Variants in LRP1 observed in about 807,000 individuals in gnomAD.
The protein encoded by LRP1 is prolow-density lipoprotein receptor-related protein 1.
In LRP1, 51 loss-of-function variants were observed where a neutral mutation model predicts 541.5. The observed-to-expected ratio is 0.09, with a 90% CI of 0.08 to 0.12. LRP1 has a LOEUF of 0.12. Among genes scored for constraint, LRP1 ranks in the 10% least tolerant of loss-of-function variants. The probability of loss-of-function intolerance (pLI) is 1.00; values close to 1 mark genes in which losing one functional copy is unlikely to be tolerated. For missense variants in LRP1, 3,878 were observed against 6,376.2 expected (o/e 0.61, Z 13.34); for synonymous variants, 2,219 against 2,470.8 (o/e 0.90, Z 3.02).
chr12:57,182,591 C>T (rs975251680), intron 34 of LRP1, among the ~76,000 whole-genome samples: 5 of 150,226 alleles, frequency 3.3e-5, no homozygotes, highest in Non-Finnish European at 5.9e-5. Flanking sequence ...CTAAAGAGGG[C>T]GGATTACCTT....
In LRP1 at chr12:57,180,146, G is replaced by A. The variant is rs770264676; in HGVS notation, c.5236+5G>A. 4.3e-6 allele frequency: 7 copies of A among 1,612,980 alleles called. No individual in the cohort carries two copies. The highest frequency in any genetic ancestry group is 2.2e-5 in the East Asian group (1 of 44,890). On this transcript the variant is annotated splice_donor_5th_base_variant and intron_variant, in intron 31 of 88. Transcript: ENST00000243077. ...GTGGCCAGAAGGGCCCCGTGGGTAC[G>A]AGCTTCCCTGCCCACCCCCACAGCC...
Position 57,196,710 on chromosome 12 carries a change from G to T in LRP1, c.8893-272G>T, listed in dbSNP as rs997576790. Among the ~76,000 whole-genome samples the T allele has an allele frequency of 2.0e-5, 3 of 152,262 alleles. No homozygotes were observed. In the East Asian group the frequency reaches 5.8e-4, roughly 29 times the overall value. On this transcript the variant is annotated intron_variant, in intron 55 of 88. Coordinates refer to ENST00000243077, the MANE Select transcript of LRP1 (RefSeq NM_002332.3). Reference sequence around the variant, plus strand: ...GAGCAGGGAAGTGAGGGGACCAGCAGAAGAGCCTGAGAAGGAGCAGCTGCT... The same window carrying T: ...GAGCAGGGAAGTGAGGGGACCAGCATAAGAGCCTGAGAAGGAGCAGCTGCT...
Position 57,154,435 on chromosome 12 carries a change from G to A in LRP1, c.1005-44G>A, listed in dbSNP as rs368354490. 1.2e-6 allele frequency: 2 copies of A among 1,606,830 alleles called. No individual in the cohort carries two copies. Among genetic ancestry groups the A allele is most frequent in the African/African-American group, 1.3e-5 (1 of 74,892 alleles). ...AGGCTGAGGCTACAGTGGTAAGGAG[G>A]GTGCCCAATGTCCAGACCCCATTTA... On this transcript the variant is annotated intron_variant, in intron 7 of 88. Coordinates refer to ENST00000243077, the MANE Select transcript of LRP1 (RefSeq NM_002332.3). This position sits in a 1 kb window ranked among gnomAD's most constrained non-coding sequence, Gnocchi z 4.6.
At position 57,210,303 on chromosome 12, in the gene LRP1, G is replaced by GC; in HGVS notation, c.12581-3dup. On this transcript the variant is annotated splice_region_variant and splice_polypyrimidine_tract_variant and intron_variant, in intron 81 of 88. Transcript: ENST00000243077. ...CTCTGCCCCTTGACGGGCCCTTCCT[G>GC]CAGCTCCCCGGCCTGGAACCTGTAA... The GC allele has an allele frequency of 6.5e-7, 1 of 1,549,914 alleles. No homozygotes were observed. Among genetic ancestry groups the GC allele is most frequent in the East Asian group, 2.3e-5 (1 of 44,146 alleles).
intron 68 of LRP1, chr12:57,202,953 T>C: frequency 1.7e-6 from 1 of 575,896 alleles, no homozygotes; most frequent in Non-Finnish European, 3.1e-6. Flanking sequence ...GCCAGGGACC[T>C]GTGTCCTCTC....
chr12:57,167,707 C>T (rs925699207), intron 19 of LRP1, among the ~76,000 whole-genome samples, 183 bp downstream of exon 19: 3 of 152,286 alleles, frequency 2.0e-5, no homozygotes, highest in African/African-American at 7.2e-5. Context: ...CCACGATGGA[C>T]CAAGGGGAGA....
Position 57,201,750 on chromosome 12 carries a change from C to T in LRP1, c.10469-30C>T. On this transcript the variant is annotated intron_variant, in intron 66 of 88. Coordinates refer to ENST00000243077, the MANE Select transcript of LRP1 (RefSeq NM_002332.3). The surrounding 1 kb of genome is among the most constrained non-coding windows in gnomAD (Gnocchi z 6.4). ...CCCGGCACACTCCTGGAAGGAGTCT[C>T]ATCCTCACCCCATGCCCACCCGCTT... is the stretch of plus-strand genomic sequence containing the variant. 2.5e-6 allele frequency: 4 copies of T among 1,612,688 alleles called. No individual in the cohort carries two copies. The highest frequency in any genetic ancestry group is 3.4e-6 in the Non-Finnish European group (4 of 1,179,148).
intron 2 of LRP1, among the ~76,000 whole-genome samples, chr12:57,139,055 C>A (rs546062132): frequency 2.0e-5 from 3 of 152,204 alleles, no homozygotes; most frequent in African/African-American, 7.2e-5. Flanking sequence ...CCTTCCCCTG[C>A]CCCCAGTAAG....
In LRP1 at chr12:57,209,680, C is replaced by T. The variant is rs906606306; in HGVS notation, c.12263-12C>T. On this transcript the variant is annotated splice_polypyrimidine_tract_variant and intron_variant, in intron 79 of 88. Coordinates refer to ENST00000243077, the MANE Select transcript of LRP1 (RefSeq NM_002332.3). The stretch of plus-strand genomic sequence containing the variant: ...CCCCTCAGGTCCCCTCTGACTCCAC[C>T]TCCTCCCCCAGGCCTAAGTCACCCC... The T allele has an allele frequency of 3.7e-6, 6 of 1,613,664 alleles. No homozygotes were observed. The highest frequency in any genetic ancestry group is 5.1e-6 in the Non-Finnish European group (6 of 1,179,648).
At chr12:57,144,891 T>C (rs888062443) in intron 4 of LRP1, 81 bp from the exon 5 acceptor site, 2 of 1,382,028 alleles carry the variant, frequency 1.4e-6, no homozygotes, top group Non-Finnish European at 2.1e-6. Context: ...AGGATGGACA[T>C]GTTGATCATG....
Position 57,142,318 on chromosome 12 carries a change from C to T in LRP1, c.328+807C>T, listed in dbSNP as rs376878099. ...GAGGCCAGCTTTGAGAGGCCATGAG[C>T]GTAGCCCTAGGGGAGGGGCTGTGCT... On this transcript the variant is annotated intron_variant, in intron 3 of 88. Transcript: ENST00000243077. Among the ~76,000 whole-genome samples, 15 of 152,142 alleles carry T rather than the reference C, an allele frequency of 9.9e-5. No individual in the cohort carries two copies. The East Asian group carries it at 1.3e-3, about 14-fold the overall frequency.
In LRP1 at chr12:57,193,948, C is replaced by T. The variant is rs563379987; in HGVS notation, c.7854C>T (p.Ile2618=). The T allele has an allele frequency of 4.6e-5, 75 of 1,614,138 alleles. No homozygotes were observed. Among genetic ancestry groups the T allele is most frequent in the South Asian group, 2.0e-4 (18 of 91,080 alleles). Residue 2618 remains isoleucine, a synonymous_variant, in exon 48 of 89, where the codon ATC becomes ATT. Transcript: ENST00000243077. ...TCCGCTGCCGGGACGGGACCTGCAT[C>T]GGGAACTCCAGCCGCTGCAACCAGT... ...GEFRCRDGTC[I]GNSSRCNQFV...
Position 57,211,073 on chromosome 12 carries a change from AC to A in LRP1, c.12917-98del. The A allele has an allele frequency of 2.8e-6, 4 of 1,420,716 alleles. No individual in the cohort carries two copies. In the South Asian group the frequency reaches 3.8e-5, roughly 14 times the overall value. 88.0% of individuals were successfully genotyped at this position (1,420,716 alleles called of 1,614,324 possible). A position where few individuals can be genotyped will look rare whatever the true frequency, so the allele number is the denominator to read the frequency against. ...TGGCACACTTCCCCTGAGGCAGTGC[AC>A]CCCCTGCACCAAGATTATGCAAACA... On this transcript the variant is annotated intron_variant, in intron 83 of 88. Transcript: ENST00000243077. This position sits in a 1 kb window ranked among gnomAD's most constrained non-coding sequence, Gnocchi z 4.3.
Position 57,156,637 on chromosome 12 carries a change from C to A in LRP1, c.1418-140C>A. The A allele has an allele frequency of 2.1e-6, 2 of 975,466 alleles. No individual in the cohort carries two copies. The highest frequency in any genetic ancestry group is 2.9e-6 in the Non-Finnish European group (2 of 682,320). 60.4% of individuals were successfully genotyped at this position (975,466 alleles called of 1,614,324 possible). ...TGTTGGGGGGCAGAGGGTTTCCACCCCTGTGGCTTCCAAATCCTAAAATGG... is the reference window on the plus strand; with the variant it reads ...TGTTGGGGGGCAGAGGGTTTCCACCACTGTGGCTTCCAAATCCTAAAATGG... On this transcript the variant is annotated intron_variant, in intron 9 of 88. Transcript: ENST00000243077. The surrounding 1 kb of genome is among the most constrained non-coding windows in gnomAD (Gnocchi z 5.2).
chr12:57,162,243 T>C lies in LRP1; in HGVS notation c.2203-74T>C. ...CATGCCCAGGACATAGACAAATGAA[T>C]GTACAAAACAGTGATCTCACAGGCC... On this transcript the variant is annotated intron_variant, in intron 13 of 88. Transcript: ENST00000243077. This position sits in a 1 kb window ranked among gnomAD's most constrained non-coding sequence, Gnocchi z 5.2. 2 of 1,242,470 alleles carry C rather than the reference T, an allele frequency of 1.6e-6. No individual in the cohort carries two copies. The highest frequency in any genetic ancestry group is 1.2e-5 in the South Asian group (1 of 83,224). The allele number at this position is 1,242,470 out of a possible 1,614,324, so 77.0% of individuals were successfully genotyped here.
chr12:57,150,189 C>CTTTTTTTGTTTTTT (rs2035499536), intron 6 of LRP1: 1 of 92,878 alleles, frequency 1.1e-5, no homozygotes, highest in African/African-American at 5.1e-5. Context: ...AAACTTCCTT[C>CTTTTTTTGTTTTTT]TTTTTTTTTT....
chr12:57,204,403 G>A lies in LRP1; in HGVS notation c.10952-7G>A, dbSNP rs959056018. On this transcript the variant is annotated splice_polypyrimidine_tract_variant and splice_region_variant and intron_variant, in intron 70 of 88. Transcript: ENST00000243077. The surrounding 1 kb of genome is among the most constrained non-coding windows in gnomAD (Gnocchi z 5.3). ...TCATTCTATCTCTTGGCTCCCCCTG[G>A]CACCAGTGCGGACCTGCCCCCTGGA... The A allele has an allele frequency of 1.3e-5, 19 of 1,516,028 alleles. No individual in the cohort carries two copies. The highest frequency in any genetic ancestry group is 2.8e-5 in the African/African-American group (2 of 71,698). The allele number at this position is 1,516,028 out of a possible 1,614,324, so 93.9% of individuals were successfully genotyped here. A position where few individuals can be genotyped will look rare whatever the true frequency, so the allele number is the denominator to read the frequency against.
intron 1 of LRP1, 132 bp from the exon 2 acceptor site, chr12:57,138,327 A>C: frequency 9.0e-7 from 1 of 1,111,654 alleles, no homozygotes; most frequent in Non-Finnish European, 1.3e-6. Flanking sequence ...CCCCAGGCAC[A>C]TAGACCATGG....
chr12:57,191,376 C>T lies in LRP1; in HGVS notation c.7293C>T (p.His2431=). ...TCGGGCTGGCCGTGTATGGGGAGCACATTTTCTGGACTGACTGGGTGCGGC... is the reference window on the plus strand; with the variant it reads ...TCGGGCTGGCCGTGTATGGGGAGCATATTTTCTGGACTGACTGGGTGCGGC... ...HPFGLAVYGE[H]IFWTDWVRRA... is the part of the protein sequence containing the mutation. Residue 2431 remains histidine (H), a synonymous_variant, in exon 44 of 89, where the codon CAC becomes CAT. Coordinates refer to ENST00000243077, the MANE Select transcript of LRP1 (RefSeq NM_002332.3). The T allele has an allele frequency of 1.2e-6, 2 of 1,613,308 alleles. No homozygotes were observed. Among genetic ancestry groups the T allele is most frequent in the Non-Finnish European group, 1.7e-6 (2 of 1,179,430 alleles).
Sources: allele counts gnomAD v4.1 joint callset (sites outside exome capture counted in the v4.1 genomes callset), GRCh38; gene constraint gnomAD v4.1.1; non-coding constraint Gnocchi (gnomAD v3.1); transcripts MANE v1.5; gene names NCBI Gene and HGNC (gene_info 2026-07-23, HGNC 2026-07-21).